KIF1B: variants seen among roughly 807,000 people sequenced by gnomAD.
The protein encoded by KIF1B is kinesin family member 1B, also known as kinesin-like protein KIF1B.
A neutral mutation model predicts 241.9 loss-of-function variants in KIF1B; 76 were observed. That is an observed-to-expected ratio of 0.31 (90% CI 0.26 to 0.38). The LOEUF (loss-of-function observed/expected upper bound fraction) is 0.38. Among genes scored for constraint, KIF1B ranks in the 10% least tolerant of loss-of-function variants. The pLI, the probability that KIF1B is intolerant of heterozygous loss-of-function variation, is 1.00. For missense variants in KIF1B, 1,622 were observed against 2,271.4 expected, an observed-to-expected ratio of 0.71 and a Z score of 5.81; for synonymous variants, 750 against 796.7, an observed-to-expected ratio of 0.94 and a Z score of 0.99.
At chr1:10,284,754 C>T (rs772181940) in intron 15 of KIF1B, among the ~76,000 whole-genome samples, 2 of 151,182 alleles carry the variant, frequency 1.3e-5, no homozygotes, top group Non-Finnish European at 2.9e-5. Context: ...CCCAGCCACT[C>T]GGGAAGCTGA....
Position 10,374,253 on chromosome 1 carries a change from G to A in KIF1B, c.4947-63G>A. The A allele has an allele frequency of 6.5e-7, 1 of 1,543,912 alleles. No homozygotes were observed. The highest frequency in any genetic ancestry group is 2.2e-5 in the East Asian group (1 of 44,550). On this transcript the variant is annotated intron_variant, in intron 45 of 48. Coordinates refer to ENST00000676179, the MANE Select transcript of KIF1B (RefSeq NM_001365951.3). The surrounding 1 kb of genome is among the most constrained non-coding windows in gnomAD (Gnocchi z 4.3). Reference sequence around the variant, plus strand: ...GTTCCTCCCAGTGAAACAGTACTCAGTATGCCTTGATTGTAACTGATTCTC... The same window carrying A: ...GTTCCTCCCAGTGAAACAGTACTCAATATGCCTTGATTGTAACTGATTCTC...
intron 9 of KIF1B, among the ~76,000 whole-genome samples, chr1:10,272,670 T>G (rs764139143): frequency 1.3e-5 from 2 of 151,798 alleles, no homozygotes; most frequent in Non-Finnish European, 2.9e-5. Flanking sequence ...TGGAGTATTT[T>G]GAGCAGTTTG....
intron 2 of KIF1B, among the ~76,000 whole-genome samples, chr1:10,251,346 T>A (rs1647432615): frequency 7.0e-6 from 1 of 142,488 alleles, no homozygotes; most frequent in African/African-American, 2.6e-5. Flanking sequence ...TTTTTTTTTT[T>A]ACTAAGGAAA....
At chr1:10,321,909 G>C in intron 24 of KIF1B, 52 bp downstream of exon 24, 1 of 1,602,094 alleles carries the variant, frequency 6.2e-7, no homozygotes. Context: ...AGCCTGCTGT[G>C]GGTGCATCTG....
At position 10,303,999 on chromosome 1, in the gene KIF1B, A is replaced by G. The variant is rs41274462; in HGVS notation, c.2115+6753A>G. ...AGAACTTGCAACAGCAGGAGATAAC[A>G]AAGCAGCTTCGTCGGCAGAATGTAC... On this transcript the variant is annotated intron_variant, in intron 22 of 48. Transcript: ENST00000676179. The surrounding 1 kb of genome is among the most constrained non-coding windows in gnomAD (Gnocchi z 5.2). 0.024 allele frequency: 37,885 copies of G among 1,608,828 alleles called. 574 individuals are homozygous for G. Among genetic ancestry groups the G allele is most frequent in the Non-Finnish European group, 0.028 (32,677 of 1,177,106 alleles).
chr1:10,376,834 A>AACACACACACACACACACAC lies in KIF1B; in HGVS notation c.*261_*280dup, dbSNP rs111663673. ...CTAACAAAAGGAAAAAATGTTTTTA[A>AACACACACACACACACACAC]ACACACACACACACACACACACACA... On this transcript the variant is annotated 3_prime_UTR_variant, in exon 49 of 49. Transcript: ENST00000676179. 6.8e-6 allele frequency: 3 copies of AACACACACACACACACACAC among 442,512 alleles called. No homozygotes were observed. The highest frequency in any genetic ancestry group is 4.1e-5 in the African/African-American group (2 of 48,808). 27.4% of individuals were successfully genotyped at this position (442,512 alleles called of 1,614,324 possible).
chr1:10,258,803 C>T, intron 4 of KIF1B, 131 bp downstream of exon 4: 1 of 892,718 alleles, frequency 1.1e-6, no homozygotes, highest in South Asian at 1.5e-5. Context: ...GATGAACAAC[C>T]CATTATTTTC....
intron 43 of KIF1B, among the ~76,000 whole-genome samples, chr1:10,367,722 TG>T (rs1401056733): frequency 4.6e-5 from 7 of 150,964 alleles, no homozygotes; most frequent in Admixed American, 2.0e-4. Context: ...GTGTTTTTTT[TG>T]TTTGTTTGTT....
intron 15 of KIF1B, among the ~76,000 whole-genome samples, chr1:10,288,265 GGTT>G (rs1406913803): frequency 6.6e-6 from 1 of 152,182 alleles, no homozygotes; most frequent in Non-Finnish European, 1.5e-5. Flanking sequence ...CACTCTTAGT[GGTT>G]GTTGAATAAC....
At chr1:10,339,725 C>T (rs762058947) in intron 31 of KIF1B, 44 bp from the exon 32 acceptor site, 37 of 1,517,090 alleles carry the variant, frequency 2.4e-5, no homozygotes, top group Non-Finnish European at 3.1e-5. Flanking sequence ...CTGATAAAAC[C>T]GTTTAATGCA....
chr1:10,358,437 T>G (rs1384499614), intron 38 of KIF1B, among the ~76,000 whole-genome samples: 4 of 152,150 alleles, frequency 2.6e-5, no homozygotes, highest in Admixed American at 2.6e-4. Flanking sequence ...ATCACCAAAG[T>G]CATAAATGCC....
chr1:10,375,491 C>T lies in KIF1B; in HGVS notation c.5408+118C>T, dbSNP rs951118591. 1.1e-5 allele frequency: 9 copies of T among 811,444 alleles called. No homozygotes were observed. The African/African-American group carries it at 1.5e-4, about 14-fold the overall frequency. 50.3% of individuals were successfully genotyped at this position (811,444 alleles called of 1,614,324 possible). Reference sequence around the variant, plus strand: ...CCTCCGCCCCCTGGTTCAAGCGATTCTCCTGACTCAGCCTCCCCAGTAGCT... The same window carrying T: ...CCTCCGCCCCCTGGTTCAAGCGATTTTCCTGACTCAGCCTCCCCAGTAGCT... On this transcript the variant is annotated intron_variant, in intron 48 of 48. Transcript: ENST00000676179.
chr1:10,236,889 A>T (rs144210393), intron 2 of KIF1B, among the ~76,000 whole-genome samples: 14 of 152,016 alleles, frequency 9.2e-5, no homozygotes, highest in Admixed American at 2.6e-4. Flanking sequence ...CATTTTGAAC[A>T]TAGACTTGTT....
chr1:10,362,109 C>A (rs1435179538), intron 40 of KIF1B, among the ~76,000 whole-genome samples: 1 of 152,148 alleles, frequency 6.6e-6, no homozygotes, highest in African/African-American at 2.4e-5. Context: ...ATCATTATTT[C>A]TAACAGAGTA....
At chr1:10,324,145 CTCTCT>C in intron 25 of KIF1B, 83 bp downstream of exon 25, 5 of 1,320,386 alleles carry the variant, frequency 3.8e-6, no homozygotes, top group Non-Finnish European at 4.4e-6. Context: ...CAGCTCTCCT[CTCTCT>C]GAGGACACTG....
intron 15 of KIF1B, among the ~76,000 whole-genome samples, chr1:10,289,085 A>G (rs1649859212): frequency 1.3e-5 from 2 of 152,162 alleles, no homozygotes; most frequent in African/African-American, 2.4e-5. Context: ...ACTATATTTC[A>G]TTATCATCAT....
intron 11 of KIF1B, among the ~76,000 whole-genome samples, chr1:10,275,808 C>T (rs1388121427): frequency 2.6e-5 from 4 of 152,146 alleles, no homozygotes; most frequent in Non-Finnish European, 5.9e-5. Context: ...AAACTCCATG[C>T]TTCTCTGAGG....
intron 22 of KIF1B, among the ~76,000 whole-genome samples, chr1:10,313,548 A>T (rs1379194100): frequency 4.1e-5 from 5 of 121,402 alleles, no homozygotes; most frequent in Admixed American, 9.2e-5. Context: ...ACTAGTTAGG[A>T]TTTTTTTTTT....
chr1:10,381,526 CTG>C lies in KIF1B; in HGVS notation c.*4946_*4947del, dbSNP rs1169593333. On this transcript the variant is annotated 3_prime_UTR_variant, in exon 49 of 49. Transcript: ENST00000676179. Reference sequence around the variant, plus strand: ...GATGTGCAATGCAGACACTATCTAACTGTGTGTGGTAACCTTGCGTCACGGAG... The same window carrying C: ...GATGTGCAATGCAGACACTATCTAACTGTGTGGTAACCTTGCGTCACGGAG... The C allele has an allele frequency of 2.5e-5, 5 of 200,818 alleles. No individual in the cohort carries two copies. The highest frequency in any genetic ancestry group is 1.2e-4 in the African/African-American group (5 of 43,454). 12.4% of individuals were successfully genotyped at this position (200,818 alleles called of 1,614,324 possible). A position where few individuals can be genotyped will look rare whatever the true frequency, so the allele number is the denominator to read the frequency against.
Sources: allele counts gnomAD v4.1 joint callset (sites outside exome capture counted in the v4.1 genomes callset), GRCh38; gene constraint gnomAD v4.1.1; non-coding constraint Gnocchi (gnomAD v3.1); transcripts MANE v1.5; gene names NCBI Gene and HGNC (gene_info 2026-07-23, HGNC 2026-07-21).